Variants in PTPRD observed in about 807,000 individuals in gnomAD.
The protein encoded by PTPRD is receptor-type tyrosine-protein phosphatase delta.
Under a neutral mutation model 214.5 loss-of-function variants are expected in PTPRD, and 34 were observed. That is an observed-to-expected ratio of 0.16 (90% CI 0.12 to 0.21). The LOEUF (loss-of-function observed/expected upper bound fraction) is 0.21. Among genes scored for constraint, PTPRD ranks in the 10% least tolerant of loss-of-function variants. The probability of loss-of-function intolerance (pLI) is 1.00; values close to 1 mark genes in which losing one functional copy is unlikely to be tolerated. For missense variants in PTPRD, 2,545 were observed against 2,398.7 expected, an observed-to-expected ratio of 1.06 and a Z score of -1.27; for synonymous variants, 1,128 against 845.7, an observed-to-expected ratio of 1.33 and a Z score of -5.79.
chr9:9,889,362 T>C (rs995749997), intron 5 of PTPRD, among the ~76,000 whole-genome samples: 36 of 152,092 alleles, frequency 2.4e-4, no homozygotes, highest in African/African-American at 7.5e-4. Flanking sequence ...CAAAACATCA[T>C]GGCATACATA....
At chr9:8,999,334 C>T (rs1042949719) in intron 11 of PTPRD, among the ~76,000 whole-genome samples, 4 of 152,054 alleles carry the variant, frequency 2.6e-5, no homozygotes, top group African/African-American at 4.8e-5. Context: ...CCTTCCACAA[C>T]CCCCAGCCTG....
chr9:8,459,489 GTATAT>G (rs1347146118), intron 33 of PTPRD, among the ~76,000 whole-genome samples: 2 of 151,962 alleles, frequency 1.3e-5, no homozygotes, highest in Non-Finnish European at 2.9e-5. Flanking sequence ...GTTTAAGAAA[GTATAT>G]TATATGCTAC....
intron 12 of PTPRD, among the ~76,000 whole-genome samples, chr9:8,702,847 T>C (rs1322843695): frequency 6.6e-6 from 1 of 152,212 alleles, no homozygotes; most frequent in East Asian, 1.9e-4. Flanking sequence ...GATCTTGTGA[T>C]TCGCCCGCCT....
At chr9:10,304,889 C>A (rs1310690354) in intron 3 of PTPRD, among the ~76,000 whole-genome samples, 1 of 152,180 alleles carries the variant, frequency 6.6e-6, no homozygotes, top group African/African-American at 2.4e-5. Flanking sequence ...ACTTTCTTCA[C>A]AGAATTGGAA....
intron 35 of PTPRD, among the ~76,000 whole-genome samples, chr9:8,424,963 C>G (rs1345663626): frequency 1.3e-5 from 2 of 152,134 alleles, no homozygotes. Context: ...AAGGCCTAGC[C>G]AAAACTGCAA....
chr9:10,351,469 T>G (rs1244279869), intron 2 of PTPRD, among the ~76,000 whole-genome samples: 2 of 152,070 alleles, frequency 1.3e-5, no homozygotes, highest in Non-Finnish European at 2.9e-5. Flanking sequence ...ATGGGACCTC[T>G]TACTCACCAT....
At chr9:9,342,379 T>G (rs564190224) in intron 9 of PTPRD, among the ~76,000 whole-genome samples, 1 of 152,144 alleles carries the variant, frequency 6.6e-6, no homozygotes, top group South Asian at 2.1e-4. Flanking sequence ...ATTTTTTGTT[T>G]AAGATGATGA....
chr9:8,890,982 C>A (rs907977472), intron 11 of PTPRD, among the ~76,000 whole-genome samples: 9 of 152,052 alleles, frequency 5.9e-5, no homozygotes, highest in Non-Finnish European at 1.2e-4. Flanking sequence ...TAAGCTTTAT[C>A]ATTTTAAAGT....
chr9:10,562,376 C>T (rs891380790), intron 2 of PTPRD, among the ~76,000 whole-genome samples: 43 of 150,574 alleles, frequency 2.9e-4, no homozygotes, highest in African/African-American at 1.0e-3. Context: ...ATAATCAGCA[C>T]AATTAGAAGT....
chr9:9,720,778 G>A (rs986853998), intron 7 of PTPRD, among the ~76,000 whole-genome samples: 3 of 151,544 alleles, frequency 2.0e-5, no homozygotes, highest in Non-Finnish European at 2.9e-5. Context: ...TAAATAAAAT[G>A]CGATATATAT....
intron 11 of PTPRD, among the ~76,000 whole-genome samples, chr9:8,943,041 A>G (rs185826921): frequency 4.6e-5 from 7 of 152,272 alleles, no homozygotes; most frequent in Admixed American, 4.6e-4. Flanking sequence ...CCTTATTTAC[A>G]ACAGTTACAA....
chr9:9,612,867 T>C (rs764556410), intron 7 of PTPRD, among the ~76,000 whole-genome samples: 3 of 152,010 alleles, frequency 2.0e-5, no homozygotes, highest in Admixed American at 6.6e-5. Flanking sequence ...TTTAAGAACA[T>C]ATTTTGTTTA....
chr9:9,129,120 T>C (rs797015667), intron 10 of PTPRD, among the ~76,000 whole-genome samples: 1 of 152,232 alleles, frequency 6.6e-6, no homozygotes, highest in Non-Finnish European at 1.5e-5. Flanking sequence ...CCGGGCGCAG[T>C]GGCTCACGCC....
chr9:9,275,194 A>ATGT (rs1308615338), intron 9 of PTPRD, among the ~76,000 whole-genome samples: 1 of 11,042 alleles, frequency 9.1e-5, no homozygotes, highest in African/African-American at 2.7e-4. Flanking sequence ...TTATATATAT[A>ATGT]TATATTATAT....
At chr9:9,502,873 G>A (rs1164971030) in intron 8 of PTPRD, among the ~76,000 whole-genome samples, 2 of 151,848 alleles carry the variant, frequency 1.3e-5, no homozygotes, top group Admixed American at 6.6e-5. Context: ...TCCAACAGAC[G>A]TAACTATTCT....
At chr9:8,403,334 A>G (rs2092637716) in intron 36 of PTPRD, among the ~76,000 whole-genome samples, 1 of 152,228 alleles carries the variant, frequency 6.6e-6, no homozygotes, top group African/African-American at 2.4e-5. Context: ...GTTTTCTAAA[A>G]TATCTTCAAG....
intron 2 of PTPRD, among the ~76,000 whole-genome samples, chr9:10,518,783 T>G (rs112436435): frequency 1.3e-5 from 2 of 151,876 alleles, no homozygotes; most frequent in Non-Finnish European, 2.9e-5. Flanking sequence ...CTGCCCGCCT[T>G]GGCCTCCCAA....
intron 5 of PTPRD, among the ~76,000 whole-genome samples, chr9:9,816,808 C>A (rs1394497370): frequency 1.3e-5 from 2 of 151,894 alleles, no homozygotes; most frequent in African/African-American, 4.8e-5. Context: ...AAAAAAAATC[C>A]TTCAATAGTA....
intron 11 of PTPRD, among the ~76,000 whole-genome samples, chr9:8,810,792 G>C (rs554802435): frequency 1.7e-4 from 26 of 152,280 alleles, no homozygotes; most frequent in African/African-American, 6.0e-4. Context: ...AGAAAAGTGG[G>C]ACAAAGGAAG....
Sources: allele counts gnomAD v4.1 joint callset (sites outside exome capture counted in the v4.1 genomes callset), GRCh38; gene constraint gnomAD v4.1.1; transcripts MANE v1.5; gene names NCBI Gene and HGNC (gene_info 2026-07-23, HGNC 2026-07-21).